TMEM43: variants seen among roughly 807,000 people sequenced by gnomAD.
TMEM43 encodes the protein arrhythmogenic right ventricular dysplasia 5.
Under a neutral mutation model 49.6 loss-of-function variants are expected in TMEM43, and 45 were observed. The observed-to-expected ratio is 0.91, with a 90% CI of 0.71 to 1.16. The LOEUF (loss-of-function observed/expected upper bound fraction) is 1.16, where lower values mean the gene tolerates loss of function less well. Among genes scored for constraint, TMEM43 ranks in the 50% most tolerant of loss-of-function variants. The probability of loss-of-function intolerance (pLI) is 0.00; values close to 1 mark genes in which losing one functional copy is unlikely to be tolerated. For synonymous variants in TMEM43, 199 were observed against 207.8 expected (o/e 0.96, Z 0.36); for missense variants, 532 against 516.6 (o/e 1.03, Z -0.29).
intron 6 of TMEM43, among the ~76,000 whole-genome samples, chr3:14,133,361 G>C (rs1016143402): frequency 1.3e-5 from 2 of 152,192 alleles, no homozygotes; most frequent in Non-Finnish European, 2.9e-5. Context: ...TGTGGCTAGA[G>C]AGCAGGCCTT....
At chr3:14,140,584 C>T (rs1223963141) in intron 11 of TMEM43, among the ~76,000 whole-genome samples, 1 of 152,164 alleles carries the variant, frequency 6.6e-6, no homozygotes, top group Admixed American at 6.5e-5. Flanking sequence ...CCCATACGGT[C>T]TTGAGTTCAA....
intron 9 of TMEM43, 47 bp from the exon 10 acceptor site, chr3:14,135,760 T>C (rs1284874829): frequency 9.7e-6 from 15 of 1,546,248 alleles, no homozygotes; most frequent in Non-Finnish European, 1.3e-5. Context: ...CGTGGGCGTG[T>C]CTCCCGCTGG....
intron 6 of TMEM43, 107 bp from the exon 7 acceptor site, chr3:14,133,632 C>A: frequency 9.8e-7 from 1 of 1,023,860 alleles, no homozygotes; most frequent in Non-Finnish European, 1.5e-6. Context: ...CTAATCTGGA[C>A]TTGCAGGAAC....
At chr3:14,141,348 TC>T (rs1235435171) in intron 11 of TMEM43, among the ~76,000 whole-genome samples, 1 of 152,164 alleles carries the variant, frequency 6.6e-6, no homozygotes, top group Non-Finnish European at 1.5e-5. Context: ...CACTGCTACA[TC>T]CTCTCCCCTG....
At position 14,142,059 on chromosome 3, in the gene TMEM43, G is replaced by GT; in HGVS notation, c.*267dup. 1.9e-6 allele frequency: 1 copy of GT among 536,506 alleles called. No homozygotes were observed. Among genetic ancestry groups the GT allele is most frequent in the Non-Finnish European group, 3.4e-6 (1 of 296,848 alleles). The allele number at this position is 536,506 out of a possible 1,614,324, so 33.2% of individuals were successfully genotyped here. On this transcript the variant is annotated 3_prime_UTR_variant, in exon 12 of 12. Transcript: ENST00000306077. ...TGGCAAGCTGACAGCTTCTCCTGCT[G>GT]TTTCCTTCCTCTCTTGGACTGAGTG...
chr3:14,130,176 A>G (rs1695074782), intron 2 of TMEM43, among the ~76,000 whole-genome samples: 1 of 151,440 alleles, frequency 6.6e-6, no homozygotes, highest in African/African-American at 2.4e-5. Context: ...TTCTAAATCA[A>G]TTTAGCAGCA....
chr3:14,129,465 G>A lies in TMEM43; in HGVS notation c.66G>A (p.Gln22=), dbSNP rs1199827592. The change falls in exon 2 of 12, where the codon CAG becomes CAA. Residue 22 remains glutamine (Q), a synonymous_variant. Coordinates refer to ENST00000306077, the MANE Select transcript of TMEM43 (RefSeq NM_024334.3). Reference sequence around the variant, plus strand: ...ATGTCAAAGTTAAAACCAGCTCCCAGCCAGGCTTCCTGGAACGGCTGAGCG... The same window carrying A: ...ATGTCAAAGTTAAAACCAGCTCCCAACCAGGCTTCCTGGAACGGCTGAGCG... ...REHVKVKTSS[Q]PGFLERLSET... is the part of the protein sequence containing the mutation. The A allele has an allele frequency of 6.2e-7, 1 of 1,614,090 alleles. No homozygotes were observed.
chr3:14,136,700 A>C, intron 10 of TMEM43, among the ~76,000 whole-genome samples: 1 of 127,464 alleles, frequency 7.8e-6, no homozygotes, highest in East Asian at 3.8e-4. Flanking sequence ...GGGGAGAGGG[A>C]GTGGGTGGGG....
In TMEM43 at chr3:14,141,887, C is replaced by T; in HGVS notation, c.*92C>T. ...CCAGCTCCATGCCAGAGCAGGAGCC[C>T]CGGTCAATTTTGGACTCTGCACTCC... On this transcript the variant is annotated 3_prime_UTR_variant, in exon 12 of 12. Transcript: ENST00000306077. 2 of 1,378,478 alleles carry T rather than the reference C, an allele frequency of 1.5e-6. No individual in the cohort carries two copies. The highest frequency in any genetic ancestry group is 2.1e-5 in the Admixed American group (1 of 47,670). 85.4% of individuals were successfully genotyped at this position (1,378,478 alleles called of 1,614,324 possible). A position where few individuals can be genotyped will look rare whatever the true frequency, so the allele number is the denominator to read the frequency against.
intron 4 of TMEM43, among the ~76,000 whole-genome samples, chr3:14,131,898 C>T (rs1157350731): frequency 6.6e-6 from 1 of 152,128 alleles, no homozygotes. Context: ...GAGTTGCTCC[C>T]ACATCTGGGA....
In TMEM43 at chr3:14,139,290, C is replaced by T. The variant is rs755042745; in HGVS notation, c.993C>T (p.Tyr331=). 9 of 1,613,242 alleles carry T rather than the reference C, an allele frequency of 5.6e-6. No homozygotes were observed. The East Asian group carries it at 2.0e-4, about 36-fold the overall frequency. Residue 331 remains tyrosine (Y), a synonymous_variant, in exon 11 of 12, where the codon TAC becomes TAT. Transcript: ENST00000306077. ...MGLNLMTRIL[Y]TLVDWFPVFR... ...TCAACCTTATGACACGGATCCTCTA[C>T]ACCTTGGGTAGGTGTTGGGGTGGGT...
intron 3 of TMEM43, 79 bp downstream of exon 3, chr3:14,131,035 A>G (rs913819841): frequency 1.9e-5 from 29 of 1,546,676 alleles, no homozygotes; most frequent in Non-Finnish European, 2.4e-5. Flanking sequence ...ATTTGAAAGC[A>G]TGGGCCTTGG....
chr3:14,129,307 TAAAAAAAA>T (rs10648308), intron 1 of TMEM43, 97 bp from the exon 2 acceptor site: 21 of 378,882 alleles, frequency 5.5e-5, no homozygotes, highest in South Asian at 4.3e-4. Flanking sequence ...CAGTTAAAAC[TAAAAAAAA>T]AAAAAAAAAA....
chr3:14,135,128 T>A (rs1435327838), intron 8 of TMEM43, 30 bp from the exon 9 acceptor site: 3 of 1,602,540 alleles, frequency 1.9e-6, no homozygotes, highest in Non-Finnish European at 2.6e-6. Context: ...ACTCCGTTCC[T>A]CACTCTCCCT....
chr3:14,126,011 C>G (rs545306807), intron 1 of TMEM43, among the ~76,000 whole-genome samples: 4 of 152,282 alleles, frequency 2.6e-5, no homozygotes, highest in Admixed American at 2.6e-4. Flanking sequence ...GGAGCCCAGC[C>G]AGCCCCAGAC....
At chr3:14,138,186 C>G (rs1191859215) in intron 10 of TMEM43, among the ~76,000 whole-genome samples, 1 of 152,168 alleles carries the variant, frequency 6.6e-6, no homozygotes, top group Non-Finnish European at 1.5e-5. Context: ...GCTGGCCAGG[C>G]ATGACTGCAG....
At chr3:14,130,257 C>T (rs941474889) in intron 2 of TMEM43, among the ~76,000 whole-genome samples, 5 of 152,060 alleles carry the variant, frequency 3.3e-5, no homozygotes, top group African/African-American at 9.7e-5. Context: ...GTCCAGGGCG[C>T]ACTCACATGT....
intron 11 of TMEM43, 21 bp downstream of exon 11, chr3:14,139,318 C>T: frequency 2.6e-6 from 4 of 1,543,094 alleles, no homozygotes; most frequent in South Asian, 1.1e-5. Context: ...GGGTGGGTCA[C>T]TGCCCTCCCT....
chr3:14,137,838 T>C (rs1173653227), intron 10 of TMEM43: 2 of 152,232 alleles, frequency 1.3e-5, no homozygotes, highest in Non-Finnish European at 2.9e-5. Context: ...AAGTTTTCAT[T>C]GAACACCAGG....
Sources: allele counts gnomAD v4.1 joint callset (sites outside exome capture counted in the v4.1 genomes callset), GRCh38; gene constraint gnomAD v4.1.1; transcripts MANE v1.5; gene names NCBI Gene and HGNC (gene_info 2026-07-23, HGNC 2026-07-21).